AGPAT3: variants seen among roughly 807,000 people sequenced by gnomAD.
AGPAT3 encodes 1-acyl-sn-glycerol-3-phosphate acyltransferase gamma.
AGPAT3 carries 5 observed loss-of-function variants against 47.3 expected under a neutral mutation model. That is an observed-to-expected ratio of 0.11 (90% CI 0.06 to 0.22). The LOEUF is 0.22. Ranked by LOEUF, AGPAT3 falls within the 10% of genes least tolerant of loss-of-function variation. The pLI is 1.00. For synonymous variants in AGPAT3, 212 were observed against 208.3 expected (o/e 1.02, Z -0.15); for missense variants, 315 against 493.0 (o/e 0.64, Z 3.42).
intron 2 of AGPAT3, among the ~76,000 whole-genome samples, chr21:43,959,067 GGT>G (rs1491586664): frequency 4.8e-5 from 3 of 62,474 alleles, no homozygotes; most frequent in African/African-American, 1.6e-4. Flanking sequence ...TGGTATGCGT[GGT>G]GTGTGTGGTT....
At chr21:43,917,962 G>A (rs1180048083) in intron 2 of AGPAT3, among the ~76,000 whole-genome samples, 10 of 116,316 alleles carry the variant, frequency 8.6e-5, no homozygotes, top group African/African-American at 3.1e-4. Context: ...TGTAGGGGGT[G>A]TGGGTGTTGG....
intron 1 of AGPAT3, among the ~76,000 whole-genome samples, chr21:43,899,738 C>T (rs2070541): frequency 0.34 from 51,470 of 152,026 alleles, 9,213 homozygotes; most frequent in East Asian, 0.6. Context: ...GGCATCACCT[C>T]GTGTGTGTGT....
At chr21:43,926,978 CAAAAAAAAA>C (rs905520861) in intron 2 of AGPAT3, among the ~76,000 whole-genome samples, 98 of 54,476 alleles carry the variant, frequency 1.8e-3, no homozygotes, top group South Asian at 3.6e-3. Flanking sequence ...GACTCTGTCT[CAAAAAAAAA>C]AAAAAAAAAA....
chr21:43,944,909 A>G (rs2087816872), intron 2 of AGPAT3, among the ~76,000 whole-genome samples: 1 of 152,230 alleles, frequency 6.6e-6, no homozygotes, highest in African/African-American at 2.4e-5. Context: ...ACGTGCCCTC[A>G]GGGGCTTCCC....
intron 2 of AGPAT3, among the ~76,000 whole-genome samples, chr21:43,957,441 A>C (rs1380275309): frequency 6.6e-6 from 1 of 151,998 alleles, no homozygotes; most frequent in African/African-American, 2.4e-5. Flanking sequence ...AGGGGTTGGC[A>C]GCACCGCCAG....
chr21:43,956,693 TGAGC>T (rs1456846078), intron 2 of AGPAT3, among the ~76,000 whole-genome samples: 1 of 152,098 alleles, frequency 6.6e-6, no homozygotes, highest in Non-Finnish European at 1.5e-5. Flanking sequence ...GGGTTGCAGG[TGAGC>T]TGAGGCCAGG....
chr21:43,971,680 C>T (rs999464218), intron 7 of AGPAT3, among the ~76,000 whole-genome samples, 190 bp downstream of exon 7: 5 of 152,148 alleles, frequency 3.3e-5, no homozygotes, highest in Admixed American at 6.5e-5. Context: ...AGGACTCGTC[C>T]GGGGCTTGGG....
Position 43,982,584 on chromosome 21 carries a change from G to A in AGPAT3, c.*192G>A, listed in dbSNP as rs564196535. On this transcript the variant is annotated 3_prime_UTR_variant, in exon 10 of 10. Coordinates refer to ENST00000291572, the MANE Select transcript of AGPAT3 (RefSeq NM_020132.5). The surrounding 1 kb of genome is among the most constrained non-coding windows in gnomAD (Gnocchi z 6.2). ...GGTGAAGTCTTCAGCCTCCCACAGC[G>A]CAGGGTCCCAGCATCTCCACGCGCG... is the stretch of plus-strand genomic sequence containing the variant. 15 of 508,626 alleles carry A rather than the reference G, an allele frequency of 2.9e-5. No homozygotes were observed. The highest frequency in any genetic ancestry group is 8.6e-5 in the South Asian group (4 of 46,374). 31.5% of individuals were successfully genotyped at this position (508,626 alleles called of 1,614,324 possible). A position where few individuals can be genotyped will look rare whatever the true frequency, so the allele number is the denominator to read the frequency against.
chr21:43,980,236 A>G (rs1427953681), intron 8 of AGPAT3, among the ~76,000 whole-genome samples: 1 of 143,614 alleles, frequency 7.0e-6, no homozygotes, highest in Non-Finnish European at 1.5e-5. Flanking sequence ...AGATCGTACC[A>G]CTGCACTCCA....
chr21:43,985,339 A>C lies in AGPAT3; in HGVS notation c.*2947A>C. 2.7e-6 allele frequency: 1 copy of C among 373,850 alleles called. No individual in the cohort carries two copies. Among genetic ancestry groups the C allele is most frequent in the Middle Eastern group, 3.7e-4 (1 of 2,672 alleles). The allele number at this position is 373,850 out of a possible 1,614,324, so 23.2% of individuals were successfully genotyped here. On this transcript the variant is annotated 3_prime_UTR_variant, in exon 10 of 10. Transcript: ENST00000291572. ...GAAGCGCAGTCTGGTGGAAGAGATG[A>C]GCGCTGAACAAATCACTAAATAACA...
intron 1 of AGPAT3, among the ~76,000 whole-genome samples, chr21:43,878,277 TGCCGAGGTG>T (rs1373818783): frequency 1.3e-5 from 2 of 152,270 alleles, no homozygotes; most frequent in Non-Finnish European, 2.9e-5. Context: ...GATGTCACTT[TGCCGAGGTG>T]GCCTGCTCCT....
chr21:43,944,386 G>T (rs2087790908), intron 2 of AGPAT3, among the ~76,000 whole-genome samples: 1 of 152,254 alleles, frequency 6.6e-6, no homozygotes, highest in South Asian at 2.1e-4. Flanking sequence ...GAGAGGGAAG[G>T]TAACAGCGTG....
intron 2 of AGPAT3, among the ~76,000 whole-genome samples, chr21:43,918,673 G>A (rs148072542): frequency 1.4e-3 from 210 of 149,590 alleles, no homozygotes; most frequent in African/African-American, 5.0e-3. Context: ...CGCAATCTCC[G>A]TCTCCCGGGT....
At chr21:43,942,079 A>C (rs890403224) in intron 2 of AGPAT3, among the ~76,000 whole-genome samples, 4 of 152,230 alleles carry the variant, frequency 2.6e-5, no homozygotes, top group Admixed American at 2.6e-4. Flanking sequence ...TTAGCTGTGG[A>C]ATTCGAGGCC....
chr21:43,975,208 C>CTGGTGTGTGCTGGTGTGTGGTAATGTTT (rs1362934718), intron 7 of AGPAT3, among the ~76,000 whole-genome samples: 1 of 138,292 alleles, frequency 7.2e-6, no homozygotes. Flanking sequence ...GTGGTGTGTT[C>CTGGTGTGTGCTGGTGTGTGGTAATGTTT]TGGTGTGTGC....
Position 43,982,440 on chromosome 21 carries a change from T to A in AGPAT3, c.*48T>A. On this transcript the variant is annotated 3_prime_UTR_variant, in exon 10 of 10. Transcript: ENST00000291572. This position sits in a 1 kb window ranked among gnomAD's most constrained non-coding sequence, Gnocchi z 6.2. ...CGCGGCCCTGACGGTGGTATCCAGT[T>A]AACTCAAAACCAACACACAGAGTGC... The A allele has an allele frequency of 7.1e-7, 1 of 1,412,772 alleles. No individual in the cohort carries two copies. Among genetic ancestry groups the A allele is most frequent in the Non-Finnish European group, 1.0e-6 (1 of 1,001,586 alleles). The allele number at this position is 1,412,772 out of a possible 1,614,324, so 87.5% of individuals were successfully genotyped here.
chr21:43,942,226 G>T (rs1165554567), intron 2 of AGPAT3, among the ~76,000 whole-genome samples: 1 of 152,236 alleles, frequency 6.6e-6, no homozygotes, highest in Non-Finnish European at 1.5e-5. Flanking sequence ...GGCCACAGAG[G>T]CGGCTTGGTT....
In AGPAT3 at chr21:43,970,601, G is replaced by A; in HGVS notation, c.511-52G>A. On this transcript the variant is annotated intron_variant, in intron 5 of 9. Transcript: ENST00000291572. This position sits in a 1 kb window ranked among gnomAD's most constrained non-coding sequence, Gnocchi z 5.8. ...AGAGAGGCAGGCCTGGCCTGGACATGCACCCACCCCAGCTGCTCTGTGGAG... is the reference window on the plus strand; with the variant it reads ...AGAGAGGCAGGCCTGGCCTGGACATACACCCACCCCAGCTGCTCTGTGGAG... 6.3e-7 allele frequency: 1 copy of A among 1,594,824 alleles called. No homozygotes were observed. Among genetic ancestry groups the A allele is most frequent in the East Asian group, 2.3e-5 (1 of 44,008 alleles).
In AGPAT3 at chr21:43,934,701, A is replaced by G. The variant is rs995504294; in HGVS notation, c.-48-24933A>G. 1.3e-5 allele frequency among the ~76,000 whole-genome samples: 2 copies of G among 152,114 alleles called. No homozygotes were observed. Among genetic ancestry groups the G allele is most frequent in the African/African-American group, 4.8e-5 (2 of 41,390 alleles). ...AGATAGCTGGGAGCACGAGGAGGCC[A>G]CGTGCCCATGGTGGAGGAGCCACAG... On this transcript the variant is annotated intron_variant, in intron 2 of 9. Transcript: ENST00000291572. This position sits in a 1 kb window ranked among gnomAD's most constrained non-coding sequence, Gnocchi z 4.7.
Sources: gnomAD v4.1 joint callset for allele counts (sites outside exome capture counted in the v4.1 genomes callset) on GRCh38, gnomAD v4.1.1 for gene constraint, Gnocchi (gnomAD v3.1) non-coding constraint, MANE v1.5 for transcripts, NCBI Gene and HGNC (gene_info 2026-07-23, HGNC 2026-07-21) for gene names.